The following CAMKK1 variants were observed in gnomAD, a reference collection of about 807,000 sequenced individuals.
CAMKK1 encodes calcium/calmodulin-dependent protein kinase kinase 1.
In CAMKK1, 20 loss-of-function variants were observed where a neutral mutation model predicts 63.5. The ratio of observed to expected loss-of-function variants is 0.32; its 90% confidence interval spans 0.22 to 0.46. The LOEUF (loss-of-function observed/expected upper bound fraction) is 0.46, where lower values mean the gene tolerates loss of function less well. CAMKK1 is among the 20% of genes least tolerant of loss of function. CAMKK1 has a pLI of 1.00. For missense variants in CAMKK1, 588 were observed against 658.1 expected (o/e 0.89, Z 1.17); for synonymous variants, 253 against 269.0 (o/e 0.94, Z 0.58).
At chr17:3,885,132 T>C (rs573677468) in intron 2 of CAMKK1, among the ~76,000 whole-genome samples, 196 bp downstream of exon 2, 2 of 152,004 alleles carry the variant, frequency 1.3e-5, no homozygotes, top group South Asian at 4.2e-4. Context: ...TAGCAGGACT[T>C]AGGGAAGGCA....
At chr17:3,873,276 C>T in intron 11 of CAMKK1, 133 bp downstream of exon 11, 1 of 775,772 alleles carries the variant, frequency 1.3e-6, no homozygotes, top group Admixed American at 2.2e-5. Flanking sequence ...AAAGCCTCTT[C>T]TCTCTCAGCC....
intron 1 of CAMKK1, among the ~76,000 whole-genome samples, chr17:3,888,695 C>T (rs775578480): frequency 1.6e-4 from 24 of 152,204 alleles, no homozygotes; most frequent in Admixed American, 4.6e-4. Context: ...GGGCGGAAGG[C>T]GGCCGCGAGG....
At chr17:3,872,856 C>T (rs897182104) in intron 11 of CAMKK1, among the ~76,000 whole-genome samples, 3 of 152,302 alleles carry the variant, frequency 2.0e-5, no homozygotes, top group African/African-American at 4.8e-5. Flanking sequence ...CTGCCACCCG[C>T]GGCCAGGCCA....
intron 10 of CAMKK1, among the ~76,000 whole-genome samples, chr17:3,873,825 A>G (rs1239972788): frequency 6.6e-6 from 1 of 152,068 alleles, no homozygotes; most frequent in East Asian, 1.9e-4. Context: ...TGCTCACTAA[A>G]CCAGCTCGGG....
At chr17:3,871,556 C>T (rs1480404491) in intron 12 of CAMKK1, among the ~76,000 whole-genome samples, 5 of 149,594 alleles carry the variant, frequency 3.3e-5, no homozygotes, top group South Asian at 2.1e-4. Flanking sequence ...TGGGGTTTCA[C>T]CGTGTTAGCC....
At chr17:3,874,062 T>C (rs2055030243) in intron 10 of CAMKK1, among the ~76,000 whole-genome samples, 1 of 152,214 alleles carries the variant, frequency 6.6e-6, no homozygotes, top group Non-Finnish European at 1.5e-5. Context: ...ACTTTCTCGC[T>C]TATATGAGTG....
At chr17:3,871,357 T>TTTTTTTTTTTTTTTTTTGTTTTTTTTTG (rs2054854494) in intron 12 of CAMKK1, among the ~76,000 whole-genome samples, 1 of 103,032 alleles carries the variant, frequency 9.7e-6, no homozygotes, top group Non-Finnish European at 1.8e-5. Flanking sequence ...GTTTTTTTTT[T>TTTTTTTTTTTTTTTTTTGTTTTTTTTTG]TTTTTTTTTT....
At chr17:3,866,099 AG>A in intron 14 of CAMKK1, 88 bp from the exon 15 acceptor site, 1 of 1,502,062 alleles carries the variant, frequency 6.7e-7, no homozygotes, top group Non-Finnish European at 9.1e-7. Flanking sequence ...GCAGCTGCCA[AG>A]GGGGCCGCAG....
intron 12 of CAMKK1, 53 bp from the exon 13 acceptor site, chr17:3,869,941 T>C: frequency 1.4e-6 from 2 of 1,406,736 alleles, no homozygotes; most frequent in Non-Finnish European, 2.0e-6. Context: ...GAGGACCCCT[T>C]CCTGTCCACC....
intron 15 of CAMKK1, among the ~76,000 whole-genome samples, chr17:3,864,269 C>A (rs538936101): frequency 6.6e-6 from 1 of 150,596 alleles, no homozygotes; most frequent in Non-Finnish European, 1.5e-5. Flanking sequence ...TTTTTTGAGA[C>A]GGAGTCTCAC....
At chr17:3,869,926 C>G (rs1177272874) in intron 12 of CAMKK1, 38 bp from the exon 13 acceptor site, 2 of 1,519,418 alleles carry the variant, frequency 1.3e-6, no homozygotes, top group Non-Finnish European at 1.8e-6. Context: ...GGTGGGACCG[C>G]TGATGAGGAC....
intron 15 of CAMKK1, chr17:3,865,382 G>A: frequency 1.0e-6 from 1 of 990,912 alleles, no homozygotes; most frequent in South Asian, 4.6e-5. Context: ...GTGCTGACTG[G>A]GCACAGAGCC....
chr17:3,869,876 G>A lies in CAMKK1; in HGVS notation c.1137C>T (p.Ser379=), dbSNP rs779040658. The change falls in exon 13 of 16, where the codon AGC becomes AGT. Residue 379 remains serine, a synonymous_variant. Coordinates refer to ENST00000348335, the MANE Select transcript of CAMKK1 (RefSeq NM_032294.3). ...PVVFPEEPEI[S]EELKDLILKM... The stretch of plus-strand genomic sequence containing the variant: ...TCAGGATCAGGTCCTTGAGCTCCTC[G>A]CTGATTTCTGGCCTGGAGAGGGCGA... 6.8e-6 allele frequency: 11 copies of A among 1,614,046 alleles called. No homozygotes were observed. Among genetic ancestry groups the A allele is most frequent in the Admixed American group, 5.0e-5 (3 of 60,004 alleles).
intron 14 of CAMKK1, 93 bp from the exon 15 acceptor site, chr17:3,866,104 G>C: frequency 6.8e-7 from 1 of 1,462,424 alleles, no homozygotes; most frequent in Non-Finnish European, 9.3e-7. Flanking sequence ...TGCCAAGGGG[G>C]CCGCAGTGCG....
At chr17:3,885,778 C>T in intron 1 of CAMKK1, 48 bp from the exon 2 acceptor site, 1 of 1,558,616 alleles carries the variant, frequency 6.4e-7, no homozygotes, top group Non-Finnish European at 8.6e-7. Context: ...GTCAGGCTGG[C>T]TACCAGGTAA....
Position 3,882,470 on chromosome 17 carries a change from A to T in CAMKK1, c.685+58T>A. On this transcript the variant is annotated intron_variant, in intron 7 of 15. Transcript: ENST00000348335. This position sits in a 1 kb window ranked among gnomAD's most constrained non-coding sequence, Gnocchi z 4.3. Reference sequence around the variant, plus strand: ...CCACCTGAAGGTCATACATGTCCCAAGGGAGCCCTTGGGCCAGCCCTGAGT... The same window carrying T: ...CCACCTGAAGGTCATACATGTCCCATGGGAGCCCTTGGGCCAGCCCTGAGT... 1 of 1,597,980 alleles carries T rather than the reference A, an allele frequency of 6.3e-7. No homozygotes were observed. Among genetic ancestry groups the T allele is most frequent in the Non-Finnish European group, 8.6e-7 (1 of 1,168,380 alleles).
chr17:3,864,617 A>T (rs1029947386), intron 15 of CAMKK1, among the ~76,000 whole-genome samples: 1 of 152,068 alleles, frequency 6.6e-6, no homozygotes, highest in Non-Finnish European at 1.5e-5. Context: ...CAAATTATAT[A>T]TGCCCCCTCT....
intron 10 of CAMKK1, among the ~76,000 whole-genome samples, chr17:3,875,460 T>A (rs537837998): frequency 2.0e-5 from 3 of 152,168 alleles, no homozygotes; most frequent in East Asian, 1.9e-4. Context: ...GTTTTTATTT[T>A]TTTTTTTGTA....
In CAMKK1 at chr17:3,883,107, G is replaced by A. The variant is rs751713715; in HGVS notation, c.583C>T (p.Arg195Trp). 4.3e-6 allele frequency: 7 copies of A among 1,613,596 alleles called. No homozygotes were observed. Among genetic ancestry groups the A allele is most frequent in the African/African-American group, 1.3e-5 (1 of 75,010 alleles). ...GPAKQLLPLE[R>W]VYQEIAILKK... Reference sequence around the variant, plus strand: ...AGGATGGCAATCTCCTGGTACACCCGCTCCAGGGGCAGCAGCTGCTTGGCT... The same window carrying A: ...AGGATGGCAATCTCCTGGTACACCCACTCCAGGGGCAGCAGCTGCTTGGCT... The change falls in exon 6 of 16, where the codon CGG (arginine) becomes TGG (tryptophan). Residue 195 changes from arginine to tryptophan, a missense_variant. By Grantham distance (101) the Arg-to-Trp change is moderately radical. This residue lies in a region of CAMKK1 where 357 missense variants were observed against 407.4 expected (regional missense o/e 0.88). Transcript: ENST00000348335. The surrounding 1 kb of genome is among the most constrained non-coding windows in gnomAD (Gnocchi z 4.7).
Sources: allele counts gnomAD v4.1 joint callset (sites outside exome capture counted in the v4.1 genomes callset), GRCh38; gene constraint gnomAD v4.1.1; regional missense constraint gnomAD v4.1.1; non-coding constraint Gnocchi (gnomAD v3.1); transcripts MANE v1.5; gene names NCBI Gene and HGNC (gene_info 2026-07-23, HGNC 2026-07-21).